NDUFAF7: variants seen among roughly 807,000 people sequenced by gnomAD.
NDUFAF7 encodes the protein protein arginine methyltransferase NDUFAF7, mitochondrial.
Under a neutral mutation model 47.2 loss-of-function variants are expected in NDUFAF7, and 48 were observed. The observed-to-expected ratio is 1.02, with a 90% CI of 0.81 to 1.29. The LOEUF is 1.29. Ranked by LOEUF, NDUFAF7 falls within the 50% of genes most tolerant of loss-of-function variation. The pLI, the probability that NDUFAF7 is intolerant of heterozygous loss-of-function variation, is 0.00. For missense variants in NDUFAF7, 635 were observed against 537.6 expected (o/e 1.18, Z -1.79); for synonymous variants, 217 against 190.0 (o/e 1.14, Z -1.17).
chr2:37,271,245 G>C, the NDUFAF7 span, among the ~76,000 whole-genome samples: 1 of 151,940 alleles, frequency 6.6e-6, no homozygotes, highest in African/African-American at 2.4e-5. Flanking sequence ...CTCTAGTCCA[G>C]GGGTTAGCAA....
chr2:37,237,317 C>T (rs763991179), intron 3 of NDUFAF7, among the ~76,000 whole-genome samples: 2 of 152,190 alleles, frequency 1.3e-5, no homozygotes, highest in Non-Finnish European at 2.9e-5. Flanking sequence ...CACTAAGTAC[C>T]TTCTATGAAT....
intron 2 of NDUFAF7, among the ~76,000 whole-genome samples, chr2:37,233,355 C>T (rs1031970746): frequency 3.3e-5 from 5 of 152,328 alleles, no homozygotes; most frequent in Admixed American, 6.5e-5. Flanking sequence ...CAGGGCCGGA[C>T]GTGGCGGCTC....
downstream of NDUFAF7, chr2:37,251,303 G>T (rs924798508): frequency 6.6e-6 from 1 of 152,590 alleles, no homozygotes; most frequent in African/African-American, 2.4e-5. Context: ...TGGGTAGATA[G>T]TACAGCATAA....
At chr2:37,244,234 C>T (rs1236316191) in intron 7 of NDUFAF7, among the ~76,000 whole-genome samples, 1 of 152,206 alleles carries the variant, frequency 6.6e-6, no homozygotes, top group Non-Finnish European at 1.5e-5. Flanking sequence ...CTCTTACTTT[C>T]ACTGCTTATC....
At chr2:37,260,401 A>C in the NDUFAF7 span, 55 of 1,598,394 alleles carry the variant, frequency 3.4e-5, no homozygotes, top group Non-Finnish European at 4.5e-5. Context: ...AGAGGTTGCA[A>C]GATACATGAG....
At chr2:37,269,567 A>G in the NDUFAF7 span, 2 of 1,500,182 alleles carry the variant, frequency 1.3e-6, no homozygotes, top group Admixed American at 3.3e-5. Flanking sequence ...TACATTTTCC[A>G]GTTTTTAAAA....
At chr2:37,231,804 G>C (rs781185294) in intron 1 of NDUFAF7, 44 bp downstream of exon 1, 10 of 1,612,832 alleles carry the variant, frequency 6.2e-6, no homozygotes, top group Non-Finnish European at 8.5e-6. Context: ...TGGAAGCCGC[G>C]TGGGGCGCCT....
downstream of NDUFAF7, chr2:37,252,658 T>G (rs1365661032): frequency 6.6e-6 from 1 of 152,060 alleles, no homozygotes; most frequent in Non-Finnish European, 1.5e-5. Flanking sequence ...GCCTCTATGG[T>G]TTGTTAAACC....
the NDUFAF7 span, among the ~76,000 whole-genome samples, chr2:37,261,800 C>T: frequency 1.4e-5 from 2 of 142,774 alleles, no homozygotes; most frequent in African/African-American, 2.6e-5. Context: ...AAAACCCAGA[C>T]GGTCCCCAAC....
chr2:37,240,576 G>A (rs932068378), intron 4 of NDUFAF7, among the ~76,000 whole-genome samples: 1 of 151,948 alleles, frequency 6.6e-6, no homozygotes, highest in African/African-American at 2.4e-5. Flanking sequence ...ACAAAATCAC[G>A]AATTTAAATT....
Position 37,246,081 on chromosome 2 carries a change from G to C in NDUFAF7, c.822G>C (p.Val274=). 3.7e-6 allele frequency: 6 copies of C among 1,613,922 alleles called. No homozygotes were observed. Among genetic ancestry groups the C allele is most frequent in the Non-Finnish European group, 5.1e-6 (6 of 1,179,864 alleles). Residue 274 remains valine (V), a synonymous_variant, in exon 8 of 10, where the codon GTG becomes GTC. Transcript: ENST00000002125. ...QHDETRDHVE[V]CPDAGVIIEE... ...ACGAAACAAGGGATCATGTTGAAGT[G>C]TGTCCTGATGCTGGTGTTATCATCG...
At chr2:37,255,619 G>T (rs963375651), downstream of NDUFAF7, among the ~76,000 whole-genome samples, 1 of 152,164 alleles carries the variant, frequency 6.6e-6, no homozygotes, top group Non-Finnish European at 1.5e-5. Context: ...GTTCATTCTA[G>T]GTATAAGGAA....
downstream of NDUFAF7, chr2:37,256,772 A>C: frequency 6.2e-7 from 1 of 1,613,694 alleles, no homozygotes; most frequent in South Asian, 1.1e-5. Context: ...ACTGAGGCTC[A>C]CATAGATGAT....
At chr2:37,269,133 T>C in the NDUFAF7 span, 22,921 of 168,146 alleles carry the variant, frequency 0.14, 1,770 homozygotes, top group South Asian at 0.26. Flanking sequence ...CATTAAACAG[T>C]TGAAGATGCT....
the NDUFAF7 span, among the ~76,000 whole-genome samples, chr2:37,266,027 C>T: frequency 6.6e-6 from 1 of 152,192 alleles, no homozygotes; most frequent in Non-Finnish European, 1.5e-5. Context: ...CGCAAAAATA[C>T]CTGACAACAT....
rs1196539535 is a variant in NDUFAF7, at chr2:37,248,244, T to G, written c.1220T>G (p.Leu407Trp). The G allele has an allele frequency of 3.1e-6, 5 of 1,613,980 alleles. No individual in the cohort carries two copies. Among genetic ancestry groups the G allele is most frequent in the Admixed American group, 1.7e-5 (1 of 60,002 alleles). Residue 407 changes from leucine (L) to tryptophan (W), a missense_variant, in exon 10 of 10, where the codon TTG (leucine) becomes TGG (tryptophan). Transcript: ENST00000002125. ...GGAGAGAGATTTAACTTTTTTGCCT[T>G]GCTACCTCATCAGAGACTTCAAGGT... ...KMGERFNFFALLPHQRLQGGR... is the reference protein window; with the variant it reads ...KMGERFNFFAWLPHQRLQGGR...
the NDUFAF7 span, among the ~76,000 whole-genome samples, chr2:37,270,917 G>A: frequency 1.3e-5 from 2 of 152,142 alleles, no homozygotes; most frequent in African/African-American, 4.8e-5. Context: ...CATGGATGGA[G>A]ATATCCTCAG....
At chr2:37,256,921 C>A, downstream of NDUFAF7, 4 of 1,613,906 alleles carry the variant, frequency 2.5e-6, no homozygotes, top group Non-Finnish European at 3.4e-6. Flanking sequence ...CAAAGTCACA[C>A]AGCTTCACCT....
chr2:37,260,916 C>G, the NDUFAF7 span, among the ~76,000 whole-genome samples: 2 of 152,136 alleles, frequency 1.3e-5, no homozygotes, highest in Non-Finnish European at 2.9e-5. Flanking sequence ...AACTAGGTTA[C>G]AAGGGTTGGA....
Sources: allele counts gnomAD v4.1 joint callset (sites outside exome capture counted in the v4.1 genomes callset), GRCh38; gene constraint gnomAD v4.1.1; transcripts MANE v1.5; gene names NCBI Gene and HGNC (gene_info 2026-07-23, HGNC 2026-07-21).